Variants in DYNC2H1 observed in about 807,000 individuals in gnomAD.
DYNC2H1 encodes the protein dynein cytoplasmic 2 heavy chain 1.
A neutral mutation model predicts 570.0 loss-of-function variants in DYNC2H1; 410 were observed. The observed-to-expected ratio is 0.72, with a 90% CI of 0.66 to 0.78. The LOEUF is 0.78. DYNC2H1 is among the 30% of genes least tolerant of loss of function. DYNC2H1 has a pLI of 0.00. For synonymous variants in DYNC2H1, 1,688 were observed against 1,677.6 expected, an observed-to-expected ratio of 1.01 and a Z score of -0.15; for missense variants, 4,865 against 5,046.4, an observed-to-expected ratio of 0.96 and a Z score of 1.09.
intron 83 of DYNC2H1, among the ~76,000 whole-genome samples, chr11:103,398,666 A>G (rs1320728887): frequency 6.6e-6 from 1 of 152,126 alleles, no homozygotes; most frequent in Non-Finnish European, 1.5e-5. Context: ...ACTTTCCAAA[A>G]TTATTTCTTG....
intron 48 of DYNC2H1, among the ~76,000 whole-genome samples, chr11:103,198,370 G>A (rs1203700508): frequency 6.6e-6 from 1 of 152,148 alleles, no homozygotes; most frequent in East Asian, 1.9e-4. Context: ...TTAGAGTCAT[G>A]TAGAGATTAG....
chr11:103,339,253 T>G (rs1296087371), intron 82 of DYNC2H1, among the ~76,000 whole-genome samples: 2 of 151,996 alleles, frequency 1.3e-5, no homozygotes, highest in Non-Finnish European at 2.9e-5. Context: ...CACAGTTGAC[T>G]GCATTAGAAC....
At chr11:103,444,652 A>G (rs1269041220) in intron 85 of DYNC2H1, among the ~76,000 whole-genome samples, 1 of 152,190 alleles carries the variant, frequency 6.6e-6, no homozygotes, top group African/African-American at 2.4e-5. Context: ...GGGTTGGGGA[A>G]GGTAACACTT....
Position 103,197,950 on chromosome 11 carries a change from T to C in DYNC2H1, c.7726T>C (p.Trp2576Arg), listed in dbSNP as rs759101120. The C allele has an allele frequency of 1.1e-5, 17 of 1,570,328 alleles. No homozygotes were observed. Among genetic ancestry groups the C allele is most frequent in the East Asian group, 2.3e-5 (1 of 42,602 alleles). ...DNMSDSFYVT[W>R]GARHNSGARA... ...TTCCACAGATAGTTTCTACGTTACA[T>C]GGGGAGCTCGGCATAATTCAGGAGC... The change falls in exon 48 of 89, where the codon TGG becomes CGG. Residue 2576 changes from tryptophan (W) to arginine (R), a missense_variant. Trp to Arg is a moderately radical substitution (Grantham distance 101). Transcript: ENST00000375735.
intron 18 of DYNC2H1, among the ~76,000 whole-genome samples, chr11:103,144,354 T>G (rs1052434653): frequency 1.3e-5 from 2 of 152,324 alleles, no homozygotes; most frequent in Middle Eastern, 3.4e-3. Flanking sequence ...TTAGTTACTT[T>G]TAATTGTGAT....
intron 62 of DYNC2H1, 89 bp downstream of exon 62, chr11:103,235,902 TTCTCTGTTATTTTACC>T: frequency 6.8e-7 from 1 of 1,465,618 alleles, no homozygotes; most frequent in Non-Finnish European, 9.1e-7. Context: ...AGACCCTTTA[TTCTCTGTTATTTTACC>T]TTTTTTAAAT....
intron 77 of DYNC2H1, among the ~76,000 whole-genome samples, chr11:103,304,959 A>T (rs1318869851): frequency 4.6e-5 from 7 of 152,186 alleles, no homozygotes; most frequent in Admixed American, 3.3e-4. Context: ...TTTAATGAAG[A>T]TTGACAGGGA....
intron 85 of DYNC2H1, among the ~76,000 whole-genome samples, chr11:103,447,792 G>A (rs1037408837): frequency 1.3e-5 from 2 of 151,990 alleles, no homozygotes; most frequent in African/African-American, 4.8e-5. Context: ...TCATTAATTC[G>A]GGTAAAGTTG....
rs945628594 is a variant in DYNC2H1 at position 103,461,133 on chromosome 11, A to G, written c.12648+4777A>G. On this transcript the variant is annotated intron_variant, in intron 87 of 88. Transcript: ENST00000375735. This position sits in a 1 kb window ranked among gnomAD's most constrained non-coding sequence, Gnocchi z 4.8. ...GCCTGCAGTTTCCAATAATGTTACC[A>G]GGGAAGAAGTCTTTGTAAGGCTTTC... Among the ~76,000 whole-genome samples the G allele has an allele frequency of 3.9e-5, 6 of 152,214 alleles. No homozygotes were observed. Among genetic ancestry groups the G allele is most frequent in the African/African-American group, 1.4e-4 (6 of 41,464 alleles).
At chr11:103,207,263 A>G (rs367577302) in intron 52 of DYNC2H1, among the ~76,000 whole-genome samples, 1 of 144,714 alleles carries the variant, frequency 6.9e-6, no homozygotes, top group Non-Finnish European at 1.5e-5. Flanking sequence ...GGGACACACT[A>G]TAGTATGTTC....
At chr11:103,382,388 C>G (rs1373081666) in intron 83 of DYNC2H1, among the ~76,000 whole-genome samples, 2 of 151,992 alleles carry the variant, frequency 1.3e-5, no homozygotes, top group Non-Finnish European at 2.9e-5. Context: ...AACTTGTAGA[C>G]TTGGAATAGC....
At chr11:103,271,239 A>T (rs553395609) in intron 70 of DYNC2H1, among the ~76,000 whole-genome samples, 1 of 152,308 alleles carries the variant, frequency 6.6e-6, no homozygotes, top group South Asian at 2.1e-4. Flanking sequence ...ACTTGTGGCT[A>T]CTAAAGTGAA....
intron 54 of DYNC2H1, 73 bp from the exon 55 acceptor site, chr11:103,215,648 T>C (rs1051121688): frequency 8.3e-6 from 11 of 1,330,398 alleles, no homozygotes; most frequent in Non-Finnish European, 1.1e-5. Flanking sequence ...GATTCTTTTC[T>C]ATAGGGCTTT....
chr11:103,132,140 A>G (rs75816163), intron 13 of DYNC2H1, among the ~76,000 whole-genome samples: 2,333 of 152,066 alleles, frequency 0.015, 55 homozygotes, highest in African/African-American at 0.052. Flanking sequence ...TAATATATAT[A>G]TATTAACTCT....
chr11:103,285,041 A>T (rs998986593), intron 73 of DYNC2H1, among the ~76,000 whole-genome samples: 1 of 152,234 alleles, frequency 6.6e-6, no homozygotes, highest in Non-Finnish European at 1.5e-5. Context: ...ATTTAGAGAC[A>T]AATAGAGGCA....
intron 50 of DYNC2H1, among the ~76,000 whole-genome samples, chr11:103,202,294 A>ATTTTTT (rs10635156): frequency 4.5e-5 from 6 of 132,714 alleles, no homozygotes; most frequent in Non-Finnish European, 4.7e-5. Flanking sequence ...AGAAACACAG[A>ATTTTTT]TTTTTTTTTT....
At chr11:103,169,910 TC>T (rs1034200405) in intron 32 of DYNC2H1, among the ~76,000 whole-genome samples, 197 bp from the exon 33 acceptor site, 3 of 152,234 alleles carry the variant, frequency 2.0e-5, no homozygotes, top group African/African-American at 7.2e-5. Flanking sequence ...TGAAATACTT[TC>T]TTGAAAAATA....
intron 83 of DYNC2H1, among the ~76,000 whole-genome samples, chr11:103,394,274 G>A (rs1282469329): frequency 1.3e-5 from 2 of 152,078 alleles, no homozygotes; most frequent in Non-Finnish European, 2.9e-5. Context: ...GCTATGAAAA[G>A]GAATACGGAT....
At chr11:103,134,123 G>A (rs1859412772) in intron 14 of DYNC2H1, among the ~76,000 whole-genome samples, 198 bp from the exon 15 acceptor site, 1 of 151,926 alleles carries the variant, frequency 6.6e-6, no homozygotes, top group Admixed American at 6.6e-5. Flanking sequence ...ATTAGATTGG[G>A]GCTATCTTAT....
Sources: allele counts gnomAD v4.1 joint callset (sites outside exome capture counted in the v4.1 genomes callset), GRCh38; gene constraint gnomAD v4.1.1; non-coding constraint Gnocchi (gnomAD v3.1); transcripts MANE v1.5; gene names NCBI Gene and HGNC (gene_info 2026-07-23, HGNC 2026-07-21).